EDIL3: variants seen among roughly 807,000 people sequenced by gnomAD.
EDIL3 encodes the protein EGF like and discoidin domains 3, also known as EGF-like repeat and discoidin I-like domain-containing protein 3.
EDIL3 carries 37 observed loss-of-function variants against 67.4 expected under a neutral mutation model. The ratio of observed to expected loss-of-function variants is 0.55; its 90% CI spans 0.42 to 0.72. The LOEUF (loss-of-function observed/expected upper bound fraction) is 0.72. EDIL3 is among the 30% of genes least tolerant of loss of function. EDIL3 has a pLI of 0.00. For synonymous variants in EDIL3, 195 were observed against 196.3 expected (o/e 0.99, Z 0.05); for missense variants, 527 against 586.3 (o/e 0.90, Z 1.04).
chr5:84,069,840 C>T (rs568011140), intron 6 of EDIL3, among the ~76,000 whole-genome samples: 5 of 152,218 alleles, frequency 3.3e-5, no homozygotes, highest in African/African-American at 1.2e-4. Flanking sequence ...ACACCCCATC[C>T]TGTGCCTGTA....
intron 3 of EDIL3, among the ~76,000 whole-genome samples, chr5:84,204,613 C>A (rs1025221931): frequency 6.6e-6 from 1 of 151,876 alleles, no homozygotes; most frequent in Non-Finnish European, 1.5e-5. Flanking sequence ...ACAACCTGCC[C>A]ATCCCTTCTC....
intron 3 of EDIL3, among the ~76,000 whole-genome samples, chr5:84,191,928 T>C (rs1307280225): frequency 6.6e-6 from 1 of 151,950 alleles, no homozygotes; most frequent in Non-Finnish European, 1.5e-5. Flanking sequence ...ATTTTAAAAC[T>C]AAGAAAATAT....
intron 9 of EDIL3, among the ~76,000 whole-genome samples, chr5:83,970,643 G>GTATATATATATATATATA (rs70975530): frequency 1.3e-4 from 15 of 116,134 alleles, no homozygotes; most frequent in African/African-American, 4.6e-4. Flanking sequence ...TAGGATCACA[G>GTATATATATATATATATA]TATATATATA....
chr5:84,144,187 C>T (rs1380125797), intron 4 of EDIL3, among the ~76,000 whole-genome samples: 4 of 151,956 alleles, frequency 2.6e-5, no homozygotes, highest in Non-Finnish European at 4.4e-5. Flanking sequence ...AAACACTGAA[C>T]AGAACCTCTG....
At chr5:84,065,636 TATC>T (rs71605892) in intron 7 of EDIL3, among the ~76,000 whole-genome samples, 28,866 of 151,938 alleles carry the variant, frequency 0.19, 3,034 homozygotes, top group Admixed American at 0.24. Context: ...GAATTGAGAA[TATC>T]ATAAGAAAAG....
intron 5 of EDIL3, among the ~76,000 whole-genome samples, chr5:84,132,708 G>C (rs1483830896): frequency 6.8e-6 from 1 of 146,610 alleles, no homozygotes; most frequent in African/African-American, 2.5e-5. Flanking sequence ...CAAATAATGA[G>C]ATAAGAAAAT....
intron 1 of EDIL3, among the ~76,000 whole-genome samples, chr5:84,345,852 C>A (rs1383723995): frequency 1.3e-5 from 2 of 152,036 alleles, no homozygotes; most frequent in African/African-American, 4.8e-5. Context: ...TAATTCAAAA[C>A]TTCTAAAAAT....
At chr5:84,026,148 G>A (rs1745806191) in intron 9 of EDIL3, among the ~76,000 whole-genome samples, 1 of 152,114 alleles carries the variant, frequency 6.6e-6, no homozygotes, top group South Asian at 2.1e-4. Flanking sequence ...TCTCACTAAA[G>A]GATGTACTGA....
chr5:84,361,362 AACTG>A, intron 1 of EDIL3, among the ~76,000 whole-genome samples: 1 of 152,054 alleles, frequency 6.6e-6, no homozygotes, highest in South Asian at 2.1e-4. Context: ...TGAACTGTGA[AACTG>A]ACTATTCAAT....
At chr5:84,054,371 T>A (rs1422105189) in intron 9 of EDIL3, among the ~76,000 whole-genome samples, 2 of 152,174 alleles carry the variant, frequency 1.3e-5, no homozygotes, top group Non-Finnish European at 2.9e-5. Context: ...GGGCAAAAAC[T>A]GGAAGCATTC....
At chr5:84,156,589 A>T (rs1226846401) in intron 4 of EDIL3, among the ~76,000 whole-genome samples, 1 of 152,196 alleles carries the variant, frequency 6.6e-6, no homozygotes, top group Non-Finnish European at 1.5e-5. Context: ...AGGGGATGCT[A>T]AATATGTATG....
rs142655169 is a variant in EDIL3, at chr5:83,973,523, T to A, written c.1138-10163A>T. 3.3e-3 allele frequency among the ~76,000 whole-genome samples: 497 copies of A among 152,222 alleles called. 2 individuals carry two copies. The highest frequency in any genetic ancestry group is 0.011 in the African/African-American group (465 of 41,558). On this transcript the variant is annotated intron_variant, in intron 9 of 10. Transcript: ENST00000296591. ...TGTATAGGTCAGCATTGTGTCAGGA[T>A]CTTTTGGATAGCTAAAGACTCAGTG...
rs139044385 is a variant in EDIL3 at position 84,089,193 on chromosome 5, A to G, written c.651+17456T>C. Among the ~76,000 whole-genome samples, 544 of 152,342 alleles carry G rather than the reference A, an allele frequency of 3.6e-3. 1 individual carries two copies. The highest frequency in any genetic ancestry group is 0.012 in the African/African-American group (507 of 41,574). ...GGGGCCATGGGACTCATAAATGGCCAACGGCTTAGAAGCAGAAGTGTCACA... is the reference window on the plus strand; with the variant it reads ...GGGGCCATGGGACTCATAAATGGCCGACGGCTTAGAAGCAGAAGTGTCACA... On this transcript the variant is annotated intron_variant, in intron 6 of 10. Coordinates refer to ENST00000296591, the MANE Select transcript of EDIL3 (RefSeq NM_005711.5).
chr5:84,086,862 C>A (rs1747081763), intron 6 of EDIL3, among the ~76,000 whole-genome samples: 1 of 152,092 alleles, frequency 6.6e-6, no homozygotes, highest in African/African-American at 2.4e-5. Context: ...TGTCTCGTTA[C>A]CCAGTGTATA....
intron 1 of EDIL3, among the ~76,000 whole-genome samples, chr5:84,364,759 A>C (rs912490658): frequency 6.6e-6 from 1 of 152,036 alleles, no homozygotes; most frequent in Non-Finnish European, 1.5e-5. Flanking sequence ...GGAATCCTGC[A>C]ACAGGTTAAT....
intron 4 of EDIL3, 99 bp downstream of exon 4, chr5:84,180,294 G>T: frequency 3.7e-6 from 5 of 1,352,304 alleles, no homozygotes; most frequent in African/African-American, 3.0e-5. Flanking sequence ...GCTCTCTTCT[G>T]CTCTCAGATT....
intron 6 of EDIL3, among the ~76,000 whole-genome samples, chr5:84,100,727 A>G (rs1407847142): frequency 6.6e-6 from 1 of 152,136 alleles, no homozygotes; most frequent in East Asian, 1.9e-4. Context: ...ATAATAAATT[A>G]AAAAACATCT....
At chr5:84,103,288 C>G (rs2112279872) in intron 6 of EDIL3, among the ~76,000 whole-genome samples, 1 of 152,068 alleles carries the variant, frequency 6.6e-6, no homozygotes, top group South Asian at 2.1e-4. Flanking sequence ...CTAGGCAATA[C>G]CATTCTGGAC....
chr5:83,985,681 C>T (rs1244211234), intron 9 of EDIL3, among the ~76,000 whole-genome samples: 1 of 151,884 alleles, frequency 6.6e-6, no homozygotes, highest in Non-Finnish European at 1.5e-5. Flanking sequence ...TCTGAACTCT[C>T]TTGTTGATTG....
Sources: gnomAD v4.1 joint callset for allele counts (sites outside exome capture counted in the v4.1 genomes callset) on GRCh38, gnomAD v4.1.1 for gene constraint, MANE v1.5 for transcripts, NCBI Gene and HGNC (gene_info 2026-07-23, HGNC 2026-07-21) for gene names.